Variants in COL25A1 observed in about 807,000 individuals in gnomAD.
COL25A1 encodes collagen type XXV alpha 1 chain.
Under a neutral mutation model 128.4 loss-of-function variants are expected in COL25A1, and 103 were observed. That is an observed-to-expected ratio of 0.80 (90% CI 0.68 to 0.94). The LOEUF is 0.94. Among genes scored for constraint, COL25A1 ranks in the 40% least tolerant of loss-of-function variants. The pLI, the probability that COL25A1 is intolerant of heterozygous loss-of-function variation, is 0.00. For synonymous variants in COL25A1, 279 were observed against 277.2 expected (o/e 1.01, Z -0.06); for missense variants, 745 against 840.0 (o/e 0.89, Z 1.40).
chr4:109,184,570 A>G (rs1203707539), intron 3 of COL25A1, among the ~76,000 whole-genome samples: 1 of 152,192 alleles, frequency 6.6e-6, no homozygotes, highest in Non-Finnish European at 1.5e-5. Flanking sequence ...CTAGGACTTA[A>G]GGCACAGTCT....
intron 5 of COL25A1, among the ~76,000 whole-genome samples, chr4:109,021,312 CG>C: frequency 6.6e-6 from 1 of 152,296 alleles, no homozygotes; most frequent in African/African-American, 2.4e-5. Flanking sequence ...TTCACTGTTG[CG>C]GGAAGTCAGG....
At chr4:109,000,790 CTT>C (rs1214558320) in intron 6 of COL25A1, among the ~76,000 whole-genome samples, 1 of 132,078 alleles carries the variant, frequency 7.6e-6, no homozygotes, top group African/African-American at 2.8e-5. Context: ...ACACATAACA[CTT>C]TGTCAGGATT....
In COL25A1 at chr4:108,933,935, A is replaced by C. The variant is rs184044004; in HGVS notation, c.708+3873T>G. On this transcript the variant is annotated intron_variant, in intron 11 of 37. Coordinates refer to ENST00000399132, the MANE Select transcript of COL25A1 (RefSeq NM_198721.4). ...AAAAATTTCCTCCTCACGATTCCTCAAGGATCTAGAACTAGAATTACCATT... is the reference window on the plus strand; with the variant it reads ...AAAAATTTCCTCCTCACGATTCCTCCAGGATCTAGAACTAGAATTACCATT... Among the ~76,000 whole-genome samples the C allele has an allele frequency of 2.6e-5, 4 of 152,156 alleles. No homozygotes were observed. In the East Asian group the frequency reaches 7.7e-4, roughly 29 times the overall value.
intron 29 of COL25A1, among the ~76,000 whole-genome samples, 170 bp downstream of exon 29, chr4:108,845,019 G>GTCTATCAC (rs1734917729): frequency 6.6e-6 from 1 of 152,118 alleles, no homozygotes; most frequent in Non-Finnish European, 1.5e-5. Context: ...GATATACTTT[G>GTCTATCAC]TGTATCACTG....
chr4:109,131,768 T>C (rs1479874484), intron 3 of COL25A1, among the ~76,000 whole-genome samples: 1 of 152,186 alleles, frequency 6.6e-6, no homozygotes, highest in Non-Finnish European at 1.5e-5. Context: ...CACCTCCCCA[T>C]TCACCAGGAA....
intron 5 of COL25A1, among the ~76,000 whole-genome samples, chr4:109,032,304 TA>T (rs1483504504): frequency 6.6e-6 from 1 of 152,206 alleles, no homozygotes; most frequent in Non-Finnish European, 1.5e-5. Context: ...TCTGACTCTT[TA>T]AAAATTCATT....
intron 5 of COL25A1, chr4:109,022,136 T>G (rs1340553648): frequency 2.2e-6 from 1 of 452,836 alleles, no homozygotes; most frequent in Non-Finnish European, 4.4e-6. Context: ...AAAAACTTGC[T>G]GGTTTTACAG....
intron 35 of COL25A1, chr4:108,823,834 C>G: frequency 1.8e-6 from 2 of 1,116,578 alleles, no homozygotes; most frequent in Non-Finnish European, 2.3e-6. Context: ...CTGCCAAATA[C>G]TACTGCAGAT....
At chr4:109,142,143 T>C (rs2126087352) in intron 3 of COL25A1, among the ~76,000 whole-genome samples, 1 of 152,308 alleles carries the variant, frequency 6.6e-6, no homozygotes. Flanking sequence ...TTCTCATTGG[T>C]TTCAAAGAAT....
chr4:108,943,374 A>T (rs147154278), intron 8 of COL25A1, among the ~76,000 whole-genome samples: 131 of 152,276 alleles, frequency 8.6e-4, no homozygotes, highest in African/African-American at 3.1e-3. Flanking sequence ...ATCAGATCAT[A>T]CTTATTCCCC....
intron 6 of COL25A1, among the ~76,000 whole-genome samples, chr4:108,987,674 G>A (rs912744892): frequency 7.2e-5 from 11 of 151,870 alleles, no homozygotes; most frequent in African/African-American, 2.2e-4. Flanking sequence ...GCGCCCGGCC[G>A]TGCATACCTT....
At chr4:109,184,874 A>T (rs147908750) in intron 3 of COL25A1, among the ~76,000 whole-genome samples, 7 of 152,120 alleles carry the variant, frequency 4.6e-5, no homozygotes. Context: ...CTTATTCAAC[A>T]GCTCAAACTA....
chr4:108,820,381 T>C (rs761295667), intron 35 of COL25A1, among the ~76,000 whole-genome samples: 3 of 152,272 alleles, frequency 2.0e-5, no homozygotes, highest in Non-Finnish European at 4.4e-5. Context: ...ACAGTGTCTA[T>C]TTCTTTGAAA....
chr4:109,205,513 C>T (rs1776905918), intron 3 of COL25A1, among the ~76,000 whole-genome samples: 1 of 152,060 alleles, frequency 6.6e-6, no homozygotes, highest in Non-Finnish European at 1.5e-5. Context: ...AGAGTCCCCA[C>T]AGATTGGAAA....
chr4:109,297,172 G>A (rs1430742498), intron 3 of COL25A1, among the ~76,000 whole-genome samples: 1 of 151,968 alleles, frequency 6.6e-6, no homozygotes, highest in Non-Finnish European at 1.5e-5. Flanking sequence ...TTAAAATAGA[G>A]CTTTTCTGAC....
intron 31 of COL25A1, among the ~76,000 whole-genome samples, chr4:108,836,158 C>T (rs747130724): frequency 4.0e-5 from 6 of 151,846 alleles, no homozygotes; most frequent in Non-Finnish European, 8.8e-5. Context: ...GCATGAGCCA[C>T]CGTGCCCGGC....
intron 3 of COL25A1, among the ~76,000 whole-genome samples, chr4:109,210,814 T>G (rs2126195864): frequency 6.6e-6 from 1 of 152,248 alleles, no homozygotes; most frequent in African/African-American, 2.4e-5. Flanking sequence ...ATGTGGTATA[T>G]ATACAGCATG....
chr4:109,003,661 C>T (rs753613881), intron 6 of COL25A1, among the ~76,000 whole-genome samples: 1 of 152,082 alleles, frequency 6.6e-6, no homozygotes, highest in East Asian at 1.9e-4. Context: ...GGTAGCCTGG[C>T]GTGGTGGCGG....
rs563811286 is a variant in COL25A1, at chr4:108,811,696, A to C, written c.*2231T>G. On this transcript the variant is annotated 3_prime_UTR_variant, in exon 38 of 38. Transcript: ENST00000399132. Reference sequence around the variant, plus strand: ...CAATACGTTATCCTAACACCATGCCATACAAGAAATTGTTAGAAAATGTCC... The same window carrying C: ...CAATACGTTATCCTAACACCATGCCCTACAAGAAATTGTTAGAAAATGTCC... 3.3e-5 allele frequency: 5 copies of C among 152,286 alleles called. No homozygotes were observed. Among genetic ancestry groups the C allele is most frequent in the Non-Finnish European group, 7.4e-5 (5 of 67,982 alleles). 9.4% of individuals were successfully genotyped at this position (152,286 alleles called of 1,614,324 possible). A position where few individuals can be genotyped will look rare whatever the true frequency, so the allele number is the denominator to read the frequency against.
Sources: gnomAD v4.1 joint callset for allele counts (sites outside exome capture counted in the v4.1 genomes callset) on GRCh38, gnomAD v4.1.1 for gene constraint, MANE v1.5 for transcripts, NCBI Gene and HGNC (gene_info 2026-07-23, HGNC 2026-07-21) for gene names.